The following CNTNAP4 variants were observed in gnomAD, a reference collection of about 807,000 sequenced individuals.
CNTNAP4 encodes the protein contactin-associated protein-like 4.
Under a neutral mutation model 148.4 loss-of-function variants are expected in CNTNAP4, and 98 were observed. The ratio of observed to expected loss-of-function variants is 0.66; its 90% CI spans 0.56 to 0.78. CNTNAP4 has a LOEUF of 0.78. Among genes scored for constraint, CNTNAP4 ranks in the 30% least tolerant of loss-of-function variants. CNTNAP4 has a pLI of 0.00. For missense variants in CNTNAP4, 1,935 were observed against 1,565.6 expected (o/e 1.24, Z -3.98); for synonymous variants, 730 against 565.1 (o/e 1.29, Z -4.14).
At chr16:76,449,262 G>A (rs2080365673) in intron 6 of CNTNAP4, among the ~76,000 whole-genome samples, 1 of 152,134 alleles carries the variant, frequency 6.6e-6, no homozygotes, top group South Asian at 2.1e-4. Context: ...GCAAATATAG[G>A]ATGTTTGCTA....
chr16:76,427,615 TC>T lies in CNTNAP4; in HGVS notation c.538+18del. The T allele has an allele frequency of 6.3e-7, 1 of 1,592,426 alleles. No homozygotes were observed. The highest frequency in any genetic ancestry group is 1.1e-5 in the South Asian group (1 of 87,426). On this transcript the variant is annotated intron_variant, in intron 4 of 23. Coordinates refer to ENST00000611870, the MANE Select transcript of CNTNAP4 (RefSeq NM_033401.5). ...TGTGCATACAGTAAGTGTTTGTTTA[TC>T]CAATACACTGACATAGATATCAAAA...
chr16:76,321,017 A>T (rs1316888996), intron 2 of CNTNAP4, among the ~76,000 whole-genome samples: 1 of 152,238 alleles, frequency 6.6e-6, no homozygotes, highest in Non-Finnish European at 1.5e-5. Flanking sequence ...CTTCTGTAAG[A>T]TAAGAATGTT....
At chr16:76,430,389 C>G (rs1255040689) in intron 4 of CNTNAP4, among the ~76,000 whole-genome samples, 1 of 152,026 alleles carries the variant, frequency 6.6e-6, no homozygotes, top group Non-Finnish European at 1.5e-5. Context: ...CTTTCCCTGC[C>G]CTCAGAAGGA....
intron 3 of CNTNAP4, among the ~76,000 whole-genome samples, chr16:76,411,996 C>G (rs1357633906): frequency 6.6e-6 from 1 of 151,376 alleles, no homozygotes; most frequent in African/African-American, 2.4e-5. Context: ...ACCATGAATT[C>G]TATTGCCATA....
intron 2 of CNTNAP4, among the ~76,000 whole-genome samples, chr16:76,339,255 A>C (rs922742613): frequency 6.6e-6 from 1 of 152,162 alleles, no homozygotes; most frequent in Admixed American, 6.6e-5. Context: ...TTTATTAACA[A>C]TTGGAAATGT....
chr16:76,443,762 A>C (rs1370741109), intron 4 of CNTNAP4, among the ~76,000 whole-genome samples: 1 of 152,176 alleles, frequency 6.6e-6, no homozygotes, highest in East Asian at 1.9e-4. Context: ...AGATTAGTAC[A>C]ATACAAAGAC....
At chr16:76,296,389 A>T (rs531322444) in intron 1 of CNTNAP4, among the ~76,000 whole-genome samples, 2 of 152,320 alleles carry the variant, frequency 1.3e-5, no homozygotes, top group East Asian at 3.9e-4. Context: ...CTGAATTCCT[A>T]TAGCTGAGTT....
chr16:76,501,433 T>C (rs924084867), intron 15 of CNTNAP4, among the ~76,000 whole-genome samples: 1 of 152,178 alleles, frequency 6.6e-6, no homozygotes, highest in Admixed American at 6.5e-5. Flanking sequence ...CCCTACCAAC[T>C]CTCTCCCTTA....
rs186461043 is a variant in CNTNAP4, at chr16:76,336,438, T to A, written c.197-18880T>A. Reference sequence around the variant, plus strand: ...ATTGACAAATACTACAAAGCAAGACTTTTCCCCCAAAAGAAAAAGTTATTA... The same window carrying A: ...ATTGACAAATACTACAAAGCAAGACATTTCCCCCAAAAGAAAAAGTTATTA... On this transcript the variant is annotated intron_variant, in intron 2 of 23. Transcript: ENST00000611870. Among the ~76,000 whole-genome samples the A allele has an allele frequency of 1.8e-3, 269 of 152,234 alleles. 2 individuals carry two copies. Among genetic ancestry groups the A allele is most frequent in the African/African-American group, 6.3e-3 (262 of 41,538 alleles).
At chr16:76,367,324 T>G (rs17766862) in intron 3 of CNTNAP4, among the ~76,000 whole-genome samples, 1 of 151,764 alleles carries the variant, frequency 6.6e-6, no homozygotes. Context: ...AAAGAAAATA[T>G]AGGACAATGT....
intron 2 of CNTNAP4, among the ~76,000 whole-genome samples, chr16:76,329,621 C>T (rs1487112897): frequency 6.6e-6 from 1 of 152,042 alleles, no homozygotes; most frequent in African/African-American, 2.4e-5. Context: ...GAATTATTAG[C>T]CTTATATATG....
At chr16:76,461,147 C>A (rs1355456434) in intron 8 of CNTNAP4, among the ~76,000 whole-genome samples, 1 of 152,036 alleles carries the variant, frequency 6.6e-6, no homozygotes, top group Non-Finnish European at 1.5e-5. Flanking sequence ...GAATGCTAGA[C>A]AACAGTTCAG....
At chr16:76,377,370 G>A (rs2015526464) in intron 3 of CNTNAP4, among the ~76,000 whole-genome samples, 1 of 152,108 alleles carries the variant, frequency 6.6e-6, no homozygotes. Flanking sequence ...AAGTGTCTAA[G>A]GAAGCATGGA....
At chr16:76,425,737 G>A (rs2079368263) in intron 3 of CNTNAP4, among the ~76,000 whole-genome samples, 1 of 152,150 alleles carries the variant, frequency 6.6e-6, no homozygotes, top group Non-Finnish European at 1.5e-5. Flanking sequence ...ATGGACTGCT[G>A]GTGCGAATCC....
At chr16:76,378,641 T>TG (rs1232303608) in intron 3 of CNTNAP4, among the ~76,000 whole-genome samples, 7 of 152,198 alleles carry the variant, frequency 4.6e-5, no homozygotes, top group Non-Finnish European at 1.5e-5. Flanking sequence ...CTCACTGTTG[T>TG]GAATGGTCTG....
At chr16:76,295,828 T>A (rs943588227) in intron 1 of CNTNAP4, among the ~76,000 whole-genome samples, 1 of 152,202 alleles carries the variant, frequency 6.6e-6, no homozygotes, top group Non-Finnish European at 1.5e-5. Context: ...TTTATTTATT[T>A]ATTTTTTGAA....
At chr16:76,535,884 CA>C (rs1299829504) in intron 18 of CNTNAP4, 100 bp downstream of exon 18, 1 of 1,347,820 alleles carries the variant, frequency 7.4e-7, no homozygotes, top group African/African-American at 1.5e-5. Context: ...AAAAAAAATT[CA>C]ATTTCTGAAT....
At chr16:76,333,154 G>C (rs1457818727) in intron 2 of CNTNAP4, among the ~76,000 whole-genome samples, 2 of 152,154 alleles carry the variant, frequency 1.3e-5, no homozygotes, top group Admixed American at 6.5e-5. Flanking sequence ...AAATCTCTGG[G>C]CTAGGGTTAG....
intron 1 of CNTNAP4, among the ~76,000 whole-genome samples, chr16:76,313,194 C>CA (rs998428015): frequency 1.3e-5 from 2 of 152,042 alleles, no homozygotes; most frequent in Admixed American, 1.3e-4. Context: ...TTATAGTTGG[C>CA]AAAAACAAAT....
Sources: allele counts gnomAD v4.1 joint callset (sites outside exome capture counted in the v4.1 genomes callset), GRCh38; gene constraint gnomAD v4.1.1; transcripts MANE v1.5; gene names NCBI Gene and HGNC (gene_info 2026-07-23, HGNC 2026-07-21).